Variants in TRPM6 observed in about 807,000 individuals in gnomAD.
The protein encoded by TRPM6 is transient receptor potential cation channel subfamily M member 6.
A neutral mutation model predicts 247.6 loss-of-function variants in TRPM6; 111 were observed. That is an observed-to-expected ratio of 0.45 (90% CI 0.38 to 0.52). The LOEUF is 0.52. TRPM6 is among the 20% of genes least tolerant of loss of function. TRPM6 has a pLI of 0.00. For synonymous variants in TRPM6, 892 were observed against 853.8 expected, an observed-to-expected ratio of 1.04 and a Z score of -0.78; for missense variants, 2,126 against 2,421.5, an observed-to-expected ratio of 0.88 and a Z score of 2.56.
At chr9:74,806,182 G>A (rs1828519690) in intron 14 of TRPM6, among the ~76,000 whole-genome samples, 1 of 151,552 alleles carries the variant, frequency 6.6e-6, no homozygotes, top group Non-Finnish European at 1.5e-5. Flanking sequence ...AGGTACATGT[G>A]GATTCATTAT....
chr9:74,747,972 C>CA (rs1473756946), intron 30 of TRPM6, 58 bp from the exon 31 acceptor site: 53 of 1,513,454 alleles, frequency 3.5e-5, no homozygotes, highest in Middle Eastern at 1.7e-4. Flanking sequence ...TTACAGTTAT[C>CA]AAAAAAAGGA....
At position 74,724,731 on chromosome 9, in the gene TRPM6, T is replaced by C; in HGVS notation, c.5951A>G (p.Asp1984Gly). ...GGAATTTATCCTTTCAGGGGAATAG[T>C]CATTTCTTTTTAAATCTGCAAGGAG... The part of the protein sequence containing the change: ...KLKLPDLKRN[D>G]YSPERINSTF... Residue 1984 changes from aspartate to glycine, a missense_variant, in exon 39 of 39, where the codon GAC (aspartate) becomes GGC (glycine). Around this residue, in one of 3 missense-constraint regions of TRPM6, gnomAD observed 327 missense variants for 397.7 expected, o/e 0.82. Transcript: ENST00000360774. The C allele has an allele frequency of 6.2e-7, 1 of 1,614,186 alleles. No homozygotes were observed. The highest frequency in any genetic ancestry group is 1.1e-5 in the South Asian group (1 of 91,086).
In TRPM6 at chr9:74,786,015, G is replaced by A. The variant is rs745809598; in HGVS notation, c.2778C>T (p.Val926=). 2.5e-6 allele frequency: 4 copies of A among 1,614,208 alleles called. No individual in the cohort carries two copies. Among genetic ancestry groups the A allele is most frequent in the South Asian group, 2.2e-5 (2 of 91,086 alleles). Residue 926 remains valine (V), a synonymous_variant, in exon 21 of 39, where the codon GTC becomes GTT. Coordinates refer to ENST00000360774, the MANE Select transcript of TRPM6 (RefSeq NM_017662.5). ...VAIGLFSAGF[V]LRWGDPPFHT... ...GAAAAGGAGGGTCACCCCATCGAAG[G>A]ACGAAGCCAGCTGAAAACAGGCCAA...
intron 20 of TRPM6, among the ~76,000 whole-genome samples, chr9:74,786,646 A>G (rs996350498): frequency 2.0e-5 from 3 of 152,200 alleles, no homozygotes; most frequent in Non-Finnish European, 4.4e-5. Context: ...AGTCTGAGGC[A>G]GGAGAATGGC....
chr9:74,731,545 T>C (rs1825521516), intron 37 of TRPM6, among the ~76,000 whole-genome samples: 3 of 151,834 alleles, frequency 2.0e-5, no homozygotes, highest in Admixed American at 2.0e-4. Context: ...TAATACACTT[T>C]TAGATGGGCC....
At chr9:74,799,404 C>T (rs994097134) in intron 17 of TRPM6, among the ~76,000 whole-genome samples, 3 of 151,718 alleles carry the variant, frequency 2.0e-5, no homozygotes, top group Non-Finnish European at 4.4e-5. Context: ...ATTAAATGTC[C>T]TTAGCAGTCA....
At chr9:74,739,323 A>G in intron 35 of TRPM6, 44 bp downstream of exon 35, 1 of 1,536,554 alleles carries the variant, frequency 6.5e-7, no homozygotes, top group East Asian at 2.2e-5. Flanking sequence ...CGTGATAGAA[A>G]TTCCTACTTG....
Position 74,724,596 on chromosome 9 carries a change from T to C in TRPM6, c.*17A>G. On this transcript the variant is annotated 3_prime_UTR_variant, in exon 39 of 39. Transcript: ENST00000360774. ...GGCAGGCAGGGCAAGCACTGGGATC[T>C]TCTTGCTCCTCCCTTTTTATAGTTG... is the stretch of plus-strand genomic sequence containing the variant. 6.2e-7 allele frequency: 1 copy of C among 1,614,148 alleles called. No individual in the cohort carries two copies.
intron 6 of TRPM6, among the ~76,000 whole-genome samples, chr9:74,833,038 G>A (rs947224770): frequency 9.3e-5 from 14 of 150,478 alleles, no homozygotes. Context: ...GCAAGAGAGC[G>A]AGACTCCGTC....
intron 3 of TRPM6, among the ~76,000 whole-genome samples, chr9:74,850,136 C>T (rs1426515486): frequency 2.0e-5 from 3 of 152,120 alleles, no homozygotes; most frequent in Admixed American, 6.6e-5. Context: ...CTTTGGGAGG[C>T]CAAGGCGGGC....
At chr9:74,887,059 G>A (rs1405803515) in intron 1 of TRPM6, among the ~76,000 whole-genome samples, 1 of 152,192 alleles carries the variant, frequency 6.6e-6, no homozygotes, top group African/African-American at 2.4e-5. Flanking sequence ...TCTCCCAAGC[G>A]TCTCCAGTGC....
chr9:74,863,604 C>T (rs1274292052), intron 1 of TRPM6, among the ~76,000 whole-genome samples: 1 of 151,822 alleles, frequency 6.6e-6, no homozygotes, highest in Non-Finnish European at 1.5e-5. Context: ...TTTTTTGAGA[C>T]GGAGTCTCGC....
At chr9:74,872,874 AG>A (rs1250309277) in intron 1 of TRPM6, among the ~76,000 whole-genome samples, 1 of 152,136 alleles carries the variant, frequency 6.6e-6, no homozygotes, top group Admixed American at 6.6e-5. Context: ...ATTGCCTCCC[AG>A]GCCTTTCTAC....
rs771456641 is a variant in TRPM6 at position 74,762,635 on chromosome 9, G to A, written c.4036C>T (p.Leu1346=). The A allele has an allele frequency of 1.2e-5, 20 of 1,614,078 alleles. No homozygotes were observed. The highest frequency in any genetic ancestry group is 4.0e-5 in the African/African-American group (3 of 74,940). Reference sequence around the variant, plus strand: ...ACTCGCTTTAGATTAGAGGGGACCAGAAGAAACTGGCCATACTTTGAGTGT... The same window carrying A: ...ACTCGCTTTAGATTAGAGGGGACCAAAAGAAACTGGCCATACTTTGAGTGT... ...QAHSKYGQFL[L]VPSNLKRVPF... Residue 1346 remains leucine (L), a synonymous_variant, in exon 26 of 39, where the codon CTG becomes TTG. Coordinates refer to ENST00000360774, the MANE Select transcript of TRPM6 (RefSeq NM_017662.5).
chr9:74,752,393 A>C (rs1188949627), intron 28 of TRPM6, 25 bp from the exon 29 acceptor site: 15 of 1,286,524 alleles, frequency 1.2e-5, no homozygotes, highest in Non-Finnish European at 1.7e-5. Flanking sequence ...GAGAAAGATT[A>C]GAAAATACAT....
rs146954263 is a variant in TRPM6, at chr9:74,737,415, G to A, written c.5776+992C>T. On this transcript the variant is annotated intron_variant, in intron 36 of 38. Transcript: ENST00000360774. ...TATCTCTACATTCTCCAACCTCCAA[G>A]CCTGGCTTTCAGCATAGAATCCCAG... is the stretch of plus-strand genomic sequence containing the variant. 29 of 1,289,716 alleles carry A rather than the reference G, an allele frequency of 2.2e-5. No individual in the cohort carries two copies. The African/African-American group carries it at 4.1e-4, about 18-fold the overall frequency. 79.9% of individuals were successfully genotyped at this position (1,289,716 alleles called of 1,614,324 possible).
At position 74,820,392 on chromosome 9, in the gene TRPM6, C is replaced by A. The variant is rs890350949; in HGVS notation, c.1046G>T (p.Cys349Phe). 5 of 1,614,090 alleles carry A rather than the reference C, an allele frequency of 3.1e-6. No homozygotes were observed. The highest frequency in any genetic ancestry group is 1.6e-4 in the Middle Eastern group (1 of 6,062). The change falls in exon 9 of 39, where the codon TGC (cysteine) becomes TTC (phenylalanine). Residue 349 changes from cysteine (C) to phenylalanine (F), a missense_variant. Coordinates refer to ENST00000360774, the MANE Select transcript of TRPM6 (RefSeq NM_017662.5). ...LRPQVKEEII[C>F]MIQNTFNFSL... ...AAAGTTGAAAGTGTTCTGAATCATGCAGATGATCTCCTCTTTCACCTGAGG... is the reference window on the plus strand; with the variant it reads ...AAAGTTGAAAGTGTTCTGAATCATGAAGATGATCTCCTCTTTCACCTGAGG...
At chr9:74,853,247 C>T (rs1230620939) in intron 3 of TRPM6, among the ~76,000 whole-genome samples, 1 of 150,960 alleles carries the variant, frequency 6.6e-6, no homozygotes, top group African/African-American at 2.4e-5. Context: ...AGGAGCCCCT[C>T]CGCCCGGCAG....
intron 5 of TRPM6, among the ~76,000 whole-genome samples, chr9:74,834,355 G>A (rs1293051458): frequency 6.6e-6 from 1 of 151,920 alleles, no homozygotes; most frequent in East Asian, 1.9e-4. Flanking sequence ...GAGCCCTTTG[G>A]GCAATTTCTG....
Sources: allele counts gnomAD v4.1 joint callset (sites outside exome capture counted in the v4.1 genomes callset), GRCh38; gene constraint gnomAD v4.1.1; regional missense constraint gnomAD v4.1.1; transcripts MANE v1.5; gene names NCBI Gene and HGNC (gene_info 2026-07-23, HGNC 2026-07-21).